The following SLC15A1 variants were observed in gnomAD, a reference collection of about 807,000 sequenced individuals.
SLC15A1 encodes the protein Caco-2 oligopeptide transporter.
Under a neutral mutation model 92.9 loss-of-function variants are expected in SLC15A1, and 83 were observed. The observed-to-expected ratio is 0.89, with a 90% CI of 0.75 to 1.07. The LOEUF (loss-of-function observed/expected upper bound fraction) is 1.07, where lower values mean the gene tolerates loss of function less well. Ranked by LOEUF, SLC15A1 falls within the 50% of genes least tolerant of loss-of-function variation. SLC15A1 has a pLI of 0.00. For synonymous variants in SLC15A1, 322 were observed against 318.2 expected (o/e 1.01, Z -0.13); for missense variants, 857 against 880.1 (o/e 0.97, Z 0.33).
At position 98,688,232 on chromosome 13, in the gene SLC15A1, GA is replaced by G; in HGVS notation, c.1683+15del. ...GTATGAGCAGATCTTCTGATACAAT[GA>G]AACGAGTTACTAACCTTCCTTTGGA... is the stretch of plus-strand genomic sequence containing the variant. On this transcript the variant is annotated intron_variant, in intron 20 of 22. Transcript: ENST00000376503. The G allele has an allele frequency of 6.5e-7, 1 of 1,536,396 alleles. No individual in the cohort carries two copies. The highest frequency in any genetic ancestry group is 1.1e-5 in the South Asian group (1 of 88,154).
chr13:98,721,933 T>TG, intron 5 of SLC15A1, 30 bp from the exon 6 acceptor site: 1 of 1,583,044 alleles, frequency 6.3e-7, no homozygotes. Flanking sequence ...AGGGCCAACA[T>TG]GGCAGATCCT....
In SLC15A1 at chr13:98,711,762, T is replaced by C. The variant is rs2088164581; in HGVS notation, c.900+92A>G. The C allele has an allele frequency of 5.9e-6, 5 of 842,970 alleles. No homozygotes were observed. The East Asian group carries it at 7.5e-5, about 13-fold the overall frequency. The allele number at this position is 842,970 out of a possible 1,614,324, so 52.2% of individuals were successfully genotyped here. On this transcript the variant is annotated intron_variant, in intron 11 of 22. Transcript: ENST00000376503. The stretch of plus-strand genomic sequence containing the variant: ...AATAAGAAACTGGAGGAGAACTTTT[T>C]AGATGTGAAATATGAAGTGAGCCTT...
At chr13:98,721,945 G>A (rs772920727) in intron 5 of SLC15A1, 42 bp from the exon 6 acceptor site, 27 of 1,525,264 alleles carry the variant, frequency 1.8e-5, no homozygotes, top group South Asian at 9.3e-5. Context: ...GCAGATCCTC[G>A]CAAGTAGAAG....
chr13:98,708,819 A>G, intron 14 of SLC15A1, 52 bp from the exon 15 acceptor site: 1 of 1,407,522 alleles, frequency 7.1e-7, no homozygotes, highest in Non-Finnish European at 9.7e-7. Context: ...TAGATGAGCT[A>G]AGCTAAACCC....
At chr13:98,731,490 C>T (rs756449980) in intron 1 of SLC15A1, among the ~76,000 whole-genome samples, 2 of 152,160 alleles carry the variant, frequency 1.3e-5, no homozygotes, top group Non-Finnish European at 2.9e-5. Context: ...CCAAAGCCAA[C>T]GAGAGAGGTG....
chr13:98,744,536 G>A (rs1028171164), intron 1 of SLC15A1, among the ~76,000 whole-genome samples: 1 of 151,634 alleles, frequency 6.6e-6, no homozygotes, highest in East Asian at 1.9e-4. Flanking sequence ...AGATCATGAG[G>A]TTAGGAAATC....
intron 18 of SLC15A1, among the ~76,000 whole-genome samples, chr13:98,700,711 T>A (rs573387326): frequency 1.3e-5 from 2 of 152,306 alleles, no homozygotes; most frequent in South Asian, 4.1e-4. Context: ...GAATTTAATA[T>A]AATTTTTATG....
At chr13:98,707,615 T>C (rs2088122915) in intron 15 of SLC15A1, among the ~76,000 whole-genome samples, 1 of 152,132 alleles carries the variant, frequency 6.6e-6, no homozygotes, top group South Asian at 2.1e-4. Flanking sequence ...CACTTAAAAA[T>C]GGTTAATATG....
At position 98,708,741 on chromosome 13, in the gene SLC15A1, A is replaced by T; in HGVS notation, c.1094T>A (p.Met365Lys). ...CACAAAGGCCATGGAGGCCAGGACC[A>T]TGCCAACTGCCATCTTCTTCAAGGA... ...FTSLKKMAVG[M>K]VLASMAFVVA... The change falls in exon 15 of 23, where the codon ATG becomes AAG. Residue 365 changes from methionine (M) to lysine (K), a missense_variant. Met to Lys is a moderately conservative substitution (Grantham distance 95). Transcript: ENST00000376503. The T allele has an allele frequency of 6.2e-7, 1 of 1,612,646 alleles. No homozygotes were observed. Among genetic ancestry groups the T allele is most frequent in the Non-Finnish European group, 8.5e-7 (1 of 1,179,558 alleles).
intron 1 of SLC15A1, among the ~76,000 whole-genome samples, chr13:98,747,260 T>C (rs2088500599): frequency 6.6e-6 from 1 of 152,150 alleles, no homozygotes; most frequent in African/African-American, 2.4e-5. Context: ...TGTGGAAAGG[T>C]TCCTCAGGCC....
At chr13:98,685,031 T>A in intron 22 of SLC15A1, 116 bp from the exon 23 acceptor site, 1 of 947,834 alleles carries the variant, frequency 1.1e-6, no homozygotes, top group Non-Finnish European at 1.5e-6. Flanking sequence ...GCTTTGAAAT[T>A]AAATTATGGA....
chr13:98,731,600 G>A (rs1238106634), intron 1 of SLC15A1, among the ~76,000 whole-genome samples: 3 of 152,164 alleles, frequency 2.0e-5, no homozygotes, highest in Non-Finnish European at 2.9e-5. Context: ...AGAGCCCGGG[G>A]CTTCATCACA....
chr13:98,739,159 C>T (rs2088419781), intron 1 of SLC15A1, among the ~76,000 whole-genome samples: 1 of 152,216 alleles, frequency 6.6e-6, no homozygotes, highest in Admixed American at 6.5e-5. Context: ...TTACCCAATG[C>T]CTATACTCCC....
chr13:98,729,004 A>AC (rs2088326074), intron 1 of SLC15A1, among the ~76,000 whole-genome samples: 5 of 140,942 alleles, frequency 3.5e-5, no homozygotes, highest in South Asian at 2.2e-4. Context: ...AAAAAAAAAA[A>AC]AACAACAAGC....
rs2088137103 is a variant in SLC15A1, at chr13:98,708,864, C to T, written c.1068-97G>A. The T allele has an allele frequency of 5.2e-6, 4 of 772,440 alleles. No homozygotes were observed. The South Asian group carries it at 1.0e-4, about 19-fold the overall frequency. The allele number at this position is 772,440 out of a possible 1,614,324, so 47.8% of individuals were successfully genotyped here. ...CCATCCCCCCAACAAAACTAAATTC[C>T]TTCCAAAAACATGGGCTTGAAAGCA... On this transcript the variant is annotated intron_variant, in intron 14 of 22. Coordinates refer to ENST00000376503, the MANE Select transcript of SLC15A1 (RefSeq NM_005073.4).
intron 1 of SLC15A1, among the ~76,000 whole-genome samples, chr13:98,746,518 T>A (rs1453325369): frequency 2.0e-5 from 3 of 152,208 alleles, no homozygotes; most frequent in Non-Finnish European, 4.4e-5. Context: ...GTGTTTTGAT[T>A]TAATGGAAAA....
chr13:98,721,511 G>A lies in SLC15A1; in HGVS notation c.540C>T (p.Ile180=). 2 of 1,613,168 alleles carry A rather than the reference G, an allele frequency of 1.2e-6. No individual in the cohort carries two copies. Among genetic ancestry groups the A allele is most frequent in the Non-Finnish European group, 1.7e-6 (2 of 1,179,328 alleles). ...ATCTCTTACCTCTGAGCATGGGTGT[G>A]ATGATTGTGGAAAGCAAACTTCCAG... ...INAGSLLSTI[I]TPMLRVQQCG... is the part of the protein sequence containing the mutation. Residue 180 remains isoleucine, a synonymous_variant, in exon 7 of 23, where the codon ATC becomes ATT. Coordinates refer to ENST00000376503, the MANE Select transcript of SLC15A1 (RefSeq NM_005073.4).
chr13:98,740,676 T>C (rs980845077), intron 1 of SLC15A1, among the ~76,000 whole-genome samples: 1 of 152,150 alleles, frequency 6.6e-6, no homozygotes, highest in African/African-American at 2.4e-5. Context: ...TAGCATAGGT[T>C]GTCTCTCACT....
At chr13:98,703,807 T>C (rs561161015) in intron 17 of SLC15A1, among the ~76,000 whole-genome samples, 3 of 152,236 alleles carry the variant, frequency 2.0e-5, no homozygotes, top group Non-Finnish European at 2.9e-5. Context: ...ATGACATATT[T>C]AGATCTCTGT....
Sources: gnomAD v4.1 joint callset for allele counts (sites outside exome capture counted in the v4.1 genomes callset) on GRCh38, gnomAD v4.1.1 for gene constraint, MANE v1.5 for transcripts, NCBI Gene and HGNC (gene_info 2026-07-23, HGNC 2026-07-21) for gene names.